UNC79: variants seen among roughly 807,000 people sequenced by gnomAD.
UNC79 encodes the protein protein unc-79 homolog.
In UNC79, 37 loss-of-function variants were observed where a neutral mutation model predicts 283.1. The ratio of observed to expected loss-of-function variants is 0.13; its 90% CI spans 0.10 to 0.17. UNC79 has a LOEUF of 0.17. Ranked by LOEUF, UNC79 falls within the 10% of genes least tolerant of loss-of-function variation. The pLI, the probability that UNC79 is intolerant of heterozygous loss-of-function variation, is 1.00. For missense variants in UNC79, 2,272 were observed against 3,211.1 expected, an observed-to-expected ratio of 0.71 and a Z score of 7.07; for synonymous variants, 1,107 against 1,200.2, an observed-to-expected ratio of 0.92 and a Z score of 1.61.
chr14:93,377,359 G>T (rs1433982459), intron 1 of UNC79, among the ~76,000 whole-genome samples: 1 of 152,088 alleles, frequency 6.6e-6, no homozygotes, highest in Non-Finnish European at 1.5e-5. Flanking sequence ...CTCCCAAAGT[G>T]CTGGGATTAC....
At chr14:93,433,515 C>T (rs978093840) in intron 1 of UNC79, among the ~76,000 whole-genome samples, 2 of 151,866 alleles carry the variant, frequency 1.3e-5, no homozygotes, top group African/African-American at 2.4e-5. Flanking sequence ...AGTTTAGCTA[C>T]GTGTAAGGAG....
At chr14:93,473,807 G>A (rs1401694788) in intron 2 of UNC79, among the ~76,000 whole-genome samples, 2 of 152,056 alleles carry the variant, frequency 1.3e-5, no homozygotes, top group African/African-American at 4.8e-5. Context: ...TGTAAAACAT[G>A]GGTTTGGCAC....
chr14:93,467,752 T>C (rs2057288717), exon 2 of UNC79: 1 of 1,486,234 alleles, frequency 6.7e-7, no homozygotes, highest in East Asian at 2.7e-5. Context: ...GGAACAGATA[T>C]TGCAAACACC....
At chr14:93,697,929 G>T (rs2075269741) in intron 47 of UNC79, among the ~76,000 whole-genome samples, 1 of 152,142 alleles carries the variant, frequency 6.6e-6, no homozygotes, top group South Asian at 2.1e-4. Context: ...AATTTGGCAT[G>T]TTGTGTTCTC....
At chr14:93,673,571 T>C (rs2073074120) in intron 41 of UNC79, 116 bp downstream of exon 44, 1 of 755,602 alleles carries the variant, frequency 1.3e-6, no homozygotes, top group South Asian at 2.1e-5. Context: ...AGATGATAAA[T>C]AATATATCTT....
At chr14:93,605,902 T>G (rs1387605389) in intron 26 of UNC79, among the ~76,000 whole-genome samples, 1 of 152,140 alleles carries the variant, frequency 6.6e-6, no homozygotes, top group Non-Finnish European at 1.5e-5. Context: ...AAAAAAGGAA[T>G]AGCAAACATT....
intron 1 of UNC79, among the ~76,000 whole-genome samples, chr14:93,364,570 T>A (rs1205361938): frequency 8.7e-5 from 4 of 45,896 alleles, no homozygotes; most frequent in South Asian, 6.1e-4. Context: ...TTTCAACATA[T>A]ACAAGGAATA....
intron 7 of UNC79, among the ~76,000 whole-genome samples, chr14:93,513,781 G>A (rs2059936626): frequency 6.6e-6 from 1 of 152,072 alleles, no homozygotes; most frequent in Non-Finnish European, 1.5e-5. Context: ...CCTTCTATCT[G>A]TTTGTACCTG....
At chr14:93,540,177 GT>G (rs1282084843) in intron 12 of UNC79, among the ~76,000 whole-genome samples, 1 of 152,204 alleles carries the variant, frequency 6.6e-6, no homozygotes, top group Admixed American at 6.5e-5. Flanking sequence ...ATTGGAACTT[GT>G]TTAGCAAACG....
chr14:93,424,692 G>A (rs1206543013), intron 1 of UNC79, among the ~76,000 whole-genome samples: 1 of 151,840 alleles, frequency 6.6e-6, no homozygotes, highest in Non-Finnish European at 1.5e-5. Flanking sequence ...GAGAGTAGAA[G>A]GATGGTTAAC....
upstream of UNC79, among the ~76,000 whole-genome samples, chr14:93,425,959 C>T (rs757218027): frequency 6.6e-6 from 1 of 152,114 alleles, no homozygotes; most frequent in African/African-American, 2.4e-5. Context: ...TATCATTTTC[C>T]TTCAGCCTGA....
rs549049443 is a variant in UNC79 at position 93,467,407 on chromosome 14, A to G, written c.23-264A>G. ...AAAAACAAGCAATAGATAATTTGTG[A>G]ATAGGATATTAAACCAGAAAACTAA... On this transcript the variant is annotated intron_variant, in intron 1 of 48. Transcript: ENST00000555664. 7.4e-4 allele frequency among the ~76,000 whole-genome samples: 112 copies of G among 152,044 alleles called. 3 individuals carry two copies. In the South Asian group the frequency reaches 0.021, roughly 29 times the overall value.
In UNC79 at chr14:93,488,612, T is replaced by C. The variant is rs149081257; in HGVS notation, c.712+857T>C. On this transcript the variant is annotated intron_variant, in intron 5 of 48. Coordinates refer to ENST00000555664, the Ensembl canonical transcript of UNC79. ...GAATGCTTCTTAGTTTGGAGTGTCA[T>C]CTTCTGTCTTAGTCCGTTGGGTTGT... Among the ~76,000 whole-genome samples the C allele has an allele frequency of 2.0e-3, 298 of 152,326 alleles. 3 individuals are homozygous for C. The highest frequency in any genetic ancestry group is 8.3e-3 in the East Asian group (43 of 5,188).
In UNC79 at chr14:93,338,793, T is replaced by A. The variant is rs549005338; in HGVS notation, c.-351+5270T>A. ...GTGTGGTGGCATGTGCCTGTAGTCC[T>A]AGCTATTCAGGTGGCTGAGGTGGGA... On this transcript the variant is annotated intron_variant, in intron 1 of 49. Transcript: ENST00000256339. Among the ~76,000 whole-genome samples, 4 of 152,256 alleles carry A rather than the reference T, an allele frequency of 2.6e-5. No homozygotes were observed. The East Asian group carries it at 7.7e-4, about 29-fold the overall frequency.
At chr14:93,646,690 C>T (rs1566849411) in intron 35 of UNC79, 44 bp downstream of exon 38, 1 of 1,603,854 alleles carries the variant, frequency 6.2e-7, no homozygotes, top group East Asian at 2.2e-5. Flanking sequence ...CTTTTCTCCT[C>T]TGTGCATGTT....
At chr14:93,526,379 T>C (rs8019079) in intron 8 of UNC79, among the ~76,000 whole-genome samples, 21 of 152,276 alleles carry the variant, frequency 1.4e-4, no homozygotes, top group African/African-American at 5.1e-4. Context: ...AGTTATGCAA[T>C]TTTATAGTAT....
intron 4 of UNC79, among the ~76,000 whole-genome samples, chr14:93,479,099 A>G (rs1036956303): frequency 6.6e-6 from 1 of 152,152 alleles, no homozygotes; most frequent in Middle Eastern, 3.2e-3. Flanking sequence ...TCATATCTTT[A>G]AAATAAGTGA....
intron 47 of UNC79, among the ~76,000 whole-genome samples, chr14:93,701,733 G>C (rs1288672861): frequency 2.6e-5 from 4 of 152,202 alleles, no homozygotes; most frequent in Non-Finnish European, 5.9e-5. Flanking sequence ...CATCAATAAT[G>C]ATGAGCTTTA....
intron 1 of UNC79, among the ~76,000 whole-genome samples, chr14:93,443,954 G>A (rs1483777150): frequency 6.6e-6 from 1 of 152,088 alleles, no homozygotes; most frequent in African/African-American, 2.4e-5. Context: ...TCTCTAGGTT[G>A]AATACCTAGG....
Sources: allele counts gnomAD v4.1 joint callset (sites outside exome capture counted in the v4.1 genomes callset), GRCh38; gene constraint gnomAD v4.1.1; transcripts MANE v1.5; gene names NCBI Gene and HGNC (gene_info 2026-07-23, HGNC 2026-07-21).